Variants in BTBD10 observed in about 807,000 individuals in gnomAD.
BTBD10 encodes the protein BTB/POZ domain-containing protein 10.
In BTBD10, 21 loss-of-function variants were observed where a neutral mutation model predicts 53.2. The ratio of observed to expected loss-of-function variants is 0.39; its 90% CI spans 0.28 to 0.57. BTBD10 has a LOEUF of 0.57. Ranked by LOEUF, BTBD10 falls within the 20% of genes least tolerant of loss-of-function variation. The pLI, the probability that BTBD10 is intolerant of heterozygous loss-of-function variation, is 0.53. For missense variants in BTBD10, 360 were observed against 594.7 expected (o/e 0.61, Z 4.10); for synonymous variants, 149 against 192.7 (o/e 0.77, Z 1.88).
Position 13,400,389 on chromosome 11 carries a change from G to A in BTBD10, c.1117+2779C>T, listed in dbSNP as rs529309744. Reference sequence around the variant, plus strand: ...TCCTGGTGTGCCGTTTGTGAAGCCCGTTGGAAAAGTGCAGTATTAGGGTGG... The same window carrying A: ...TCCTGGTGTGCCGTTTGTGAAGCCCATTGGAAAAGTGCAGTATTAGGGTGG... On this transcript the variant is annotated intron_variant, in intron 8 of 8. Transcript: ENST00000278174. 3.1e-3 allele frequency among the ~76,000 whole-genome samples: 471 copies of A among 152,280 alleles called. 4 individuals are homozygous for A. Among genetic ancestry groups the A allele is most frequent in the African/African-American group, 0.01 (434 of 41,552 alleles).
chr11:13,426,288 TAAGA>T (rs1017274267), intron 2 of BTBD10, among the ~76,000 whole-genome samples: 34 of 151,222 alleles, frequency 2.2e-4, no homozygotes, highest in African/African-American at 8.0e-4. Context: ...CGAAAAAAAA[TAAGA>T]AAGTACAGAC....
chr11:13,420,288 A>T (rs2133967798), intron 3 of BTBD10, among the ~76,000 whole-genome samples: 1 of 151,714 alleles, frequency 6.6e-6, no homozygotes, highest in East Asian at 1.9e-4. Flanking sequence ...ACAAAAAAAG[A>T]AAGAAATTCA....
At chr11:13,406,931 CCTT>C (rs1461424706) in intron 6 of BTBD10, among the ~76,000 whole-genome samples, 1 of 151,956 alleles carries the variant, frequency 6.6e-6, no homozygotes, top group Non-Finnish European at 1.5e-5. Context: ...TATTTCAACA[CCTT>C]CTCTCTCCCC....
intron 1 of BTBD10, among the ~76,000 whole-genome samples, chr11:13,458,980 T>C (rs1210948142): frequency 1.3e-5 from 2 of 152,030 alleles, no homozygotes; most frequent in Non-Finnish European, 2.9e-5. Context: ...ACAACGCTTG[T>C]ACAATTTTGT....
At chr11:13,430,938 A>G (rs1450583087) in intron 2 of BTBD10, among the ~76,000 whole-genome samples, 1 of 149,998 alleles carries the variant, frequency 6.7e-6, no homozygotes, top group Non-Finnish European at 1.5e-5. Flanking sequence ...GTATATGCTC[A>G]TTATCCTAAT....
At chr11:13,394,866 A>G (rs1385642269) in intron 8 of BTBD10, among the ~76,000 whole-genome samples, 1 of 152,000 alleles carries the variant, frequency 6.6e-6, no homozygotes, top group Admixed American at 6.6e-5. Flanking sequence ...TACAAAGGAC[A>G]TGAACTCATC....
chr11:13,402,332 G>A (rs1383697957), intron 8 of BTBD10, among the ~76,000 whole-genome samples: 1 of 152,100 alleles, frequency 6.6e-6, no homozygotes, highest in African/African-American at 2.4e-5. Flanking sequence ...AACTTACTAT[G>A]TACTAGGCAG....
chr11:13,418,285 T>C (rs186485333), intron 4 of BTBD10, among the ~76,000 whole-genome samples: 5 of 152,152 alleles, frequency 3.3e-5, no homozygotes, highest in Admixed American at 1.3e-4. Context: ...GCTTTGCTAA[T>C]TGAAAAAGGA....
chr11:13,440,064 C>T (rs1051988174), intron 2 of BTBD10: 4 of 1,528,864 alleles, frequency 2.6e-6, no homozygotes, highest in Non-Finnish European at 3.5e-6. Flanking sequence ...TTCCTCTGAA[C>T]AATCAGAAAA....
chr11:13,422,459 C>A (rs1950262749), intron 2 of BTBD10, among the ~76,000 whole-genome samples: 1 of 152,088 alleles, frequency 6.6e-6, no homozygotes, highest in Non-Finnish European at 1.5e-5. Flanking sequence ...ACCAGCCTGG[C>A]CAACATGGCA....
chr11:13,445,218 C>T, intron 1 of BTBD10, 37 bp from the exon 2 acceptor site: 1 of 771,644 alleles, frequency 1.3e-6, no homozygotes, highest in Non-Finnish European at 2.2e-6. Context: ...TAAATCTATT[C>T]CACGCAGAAT....
chr11:13,451,129 G>A (rs1950849878), intron 1 of BTBD10, among the ~76,000 whole-genome samples: 1 of 152,168 alleles, frequency 6.6e-6, no homozygotes, highest in African/African-American at 2.4e-5. Context: ...CATAAACTCT[G>A]CTCAAATCCC....
Position 13,400,328 on chromosome 11 carries a change from G to T in BTBD10, c.1117+2840C>A, listed in dbSNP as rs576044754. ...GCTAGCAATGAGCAAGGCTCCGTGGGTGTAGGACCCTCAGAGCCAGGTGTG... is the reference window on the plus strand; with the variant it reads ...GCTAGCAATGAGCAAGGCTCCGTGGTTGTAGGACCCTCAGAGCCAGGTGTG... On this transcript the variant is annotated intron_variant, in intron 8 of 8. Transcript: ENST00000278174. Among the ~76,000 whole-genome samples the T allele has an allele frequency of 1.4e-4, 22 of 152,334 alleles. No individual in the cohort carries two copies. The South Asian group carries it at 4.4e-3, about 30-fold the overall frequency.
chr11:13,428,338 C>A (rs940999744), intron 2 of BTBD10, among the ~76,000 whole-genome samples: 4 of 152,030 alleles, frequency 2.6e-5, no homozygotes, highest in Non-Finnish European at 5.9e-5. Context: ...TATGGCTTCA[C>A]TGACAAATTC....
At chr11:13,410,875 A>G (rs911674623) in intron 6 of BTBD10, among the ~76,000 whole-genome samples, 23 of 152,234 alleles carry the variant, frequency 1.5e-4, no homozygotes, top group African/African-American at 5.5e-4. Flanking sequence ...TAAAGACACA[A>G]AAGTGTGAAT....
chr11:13,405,637 G>T, intron 7 of BTBD10, 22 bp downstream of exon 7: 1 of 1,612,054 alleles, frequency 6.2e-7, no homozygotes, highest in Non-Finnish European at 8.5e-7. Context: ...TCAGGGGAGA[G>T]AAAACATGCC....
chr11:13,400,375 C>A (rs561850147), intron 8 of BTBD10, among the ~76,000 whole-genome samples: 1 of 152,182 alleles, frequency 6.6e-6, no homozygotes, highest in Non-Finnish European at 1.5e-5. Flanking sequence ...CCTGGTGTGC[C>A]GTTTGTGAAG....
intron 6 of BTBD10, among the ~76,000 whole-genome samples, chr11:13,408,292 C>T (rs1949871023): frequency 6.6e-6 from 1 of 152,200 alleles, no homozygotes; most frequent in South Asian, 2.1e-4. Context: ...CCCCCAACAT[C>T]TGCTTTTGCC....
chr11:13,420,639 G>A (rs1389715012), intron 3 of BTBD10, among the ~76,000 whole-genome samples: 1 of 151,914 alleles, frequency 6.6e-6, no homozygotes, highest in Non-Finnish European at 1.5e-5. Context: ...ATTCCTCTAT[G>A]ACTCAAACTA....
Sources: gnomAD v4.1 joint callset for allele counts (sites outside exome capture counted in the v4.1 genomes callset) on GRCh38, gnomAD v4.1.1 for gene constraint, MANE v1.5 for transcripts, NCBI Gene and HGNC (gene_info 2026-07-23, HGNC 2026-07-21) for gene names.